DYSF: variants seen among roughly 807,000 people sequenced by gnomAD.
DYSF encodes the protein dystrophy-associated fer-1-like 1.
In DYSF, 212 loss-of-function variants were observed where a neutral mutation model predicts 274.9. The ratio of observed to expected loss-of-function variants is 0.77; its 90% CI spans 0.69 to 0.86. DYSF has a LOEUF of 0.86. Ranked by LOEUF, DYSF falls within the 40% of genes least tolerant of loss-of-function variation. DYSF has a pLI of 0.00. For missense variants in DYSF, 2,666 were observed against 2,783.2 expected, an observed-to-expected ratio of 0.96 and a Z score of 0.95; for synonymous variants, 1,091 against 1,078.7, an observed-to-expected ratio of 1.01 and a Z score of -0.22.
intron 24 of DYSF, 112 bp downstream of exon 24, chr2:71,564,325 G>C: frequency 6.9e-7 from 1 of 1,451,828 alleles, no homozygotes; most frequent in East Asian, 2.3e-5. Flanking sequence ...CTTAGGCTGT[G>C]GTCTTGGAAG....
chr2:71,603,977 C>T (rs1369143411), intron 36 of DYSF, among the ~76,000 whole-genome samples: 3 of 152,220 alleles, frequency 2.0e-5, no homozygotes, highest in Non-Finnish European at 2.9e-5. Context: ...GCTCATGGGC[C>T]AGAGCCCGAA....
chr2:71,631,183 C>G (rs1046406778), intron 41 of DYSF, among the ~76,000 whole-genome samples: 1 of 152,166 alleles, frequency 6.6e-6, no homozygotes, highest in African/African-American at 2.4e-5. Flanking sequence ...GAAGCATTTT[C>G]AGAAGGCATC....
intron 1 of DYSF, among the ~76,000 whole-genome samples, chr2:71,478,104 A>T (rs2082543144): frequency 6.8e-6 from 1 of 146,304 alleles, no homozygotes; most frequent in Non-Finnish European, 1.5e-5. Flanking sequence ...GCTTATTGTG[A>T]TTTTAAAATT....
chr2:71,683,103 A>C (rs2095315580), intron 55 of DYSF, among the ~76,000 whole-genome samples: 1 of 152,168 alleles, frequency 6.6e-6, no homozygotes, highest in Non-Finnish European at 1.5e-5. Flanking sequence ...AGCAGTTGCA[A>C]ATCCAGAGGA....
chr2:71,533,563 G>A (rs1440346218), intron 14 of DYSF, among the ~76,000 whole-genome samples: 2 of 152,234 alleles, frequency 1.3e-5, no homozygotes, highest in Non-Finnish European at 2.9e-5. Flanking sequence ...AAGCCATGCT[G>A]CAGTGAATAG....
At chr2:71,568,683 T>C (rs891298703) in intron 26 of DYSF, among the ~76,000 whole-genome samples, 1 of 151,896 alleles carries the variant, frequency 6.6e-6, no homozygotes, top group African/African-American at 2.4e-5. Context: ...GCTCCTGCCT[T>C]CTGAGTAGCT....
chr2:71,598,413 T>C (rs994750634), intron 32 of DYSF, 151 bp from the exon 33 acceptor site: 11 of 962,346 alleles, frequency 1.1e-5, no homozygotes, highest in Admixed American at 2.0e-5. Flanking sequence ...GAGAGCCCCA[T>C]AGGGAAGATG....
chr2:71,601,266 CCT>C, intron 34 of DYSF: 1 of 634,146 alleles, frequency 1.6e-6, no homozygotes. Flanking sequence ...CTTCAAACTT[CCT>C]CTTAGTATGA....
At chr2:71,585,967 G>A (rs770907021) in intron 30 of DYSF, among the ~76,000 whole-genome samples, 14 of 152,162 alleles carry the variant, frequency 9.2e-5, no homozygotes, top group Non-Finnish European at 1.6e-4. Context: ...AGGGCCTGGG[G>A]GCAAGAAAGG....
At chr2:71,487,456 G>A (rs2083452830) in intron 3 of DYSF, among the ~76,000 whole-genome samples, 1 of 152,184 alleles carries the variant, frequency 6.6e-6, no homozygotes, top group African/African-American at 2.4e-5. Context: ...GATGGCAGGG[G>A]GGCAGTGTGC....
intron 9 of DYSF, among the ~76,000 whole-genome samples, chr2:71,516,466 G>A (rs1009135652): frequency 3.9e-5 from 6 of 152,202 alleles, no homozygotes; most frequent in Admixed American, 6.5e-5. Flanking sequence ...CAGGCTCTAC[G>A]GGTCACAGAA....
At chr2:71,515,910 A>C (rs2086605457) in intron 8 of DYSF, among the ~76,000 whole-genome samples, 159 bp downstream of exon 8, 1 of 152,090 alleles carries the variant, frequency 6.6e-6, no homozygotes, top group Non-Finnish European at 1.5e-5. Flanking sequence ...GTGGGACTGG[A>C]GAAAGGGCTC....
chr2:71,495,726 C>T (rs1476983260), intron 3 of DYSF, among the ~76,000 whole-genome samples: 2 of 152,130 alleles, frequency 1.3e-5, no homozygotes, highest in African/African-American at 4.8e-5. Flanking sequence ...CTGCCCCAGC[C>T]CTGGTTCCTG....
In DYSF at chr2:71,496,608, G is replaced by A. The variant is rs78165524; in HGVS notation, c.240-6606G>A. The stretch of plus-strand genomic sequence containing the variant: ...TGGAACCTGGCCCTATGGTGCTTAG[G>A]ACAGGGGAATGTGGGCCCTGAGTGT... On this transcript the variant is annotated intron_variant, in intron 3 of 55. Coordinates refer to ENST00000410020, the MANE Select transcript of DYSF (RefSeq NM_001130987.2). Among the ~76,000 whole-genome samples, 86 of 152,200 alleles carry A rather than the reference G, an allele frequency of 5.7e-4. 1 individual carries two copies. In the East Asian group the frequency reaches 0.015, roughly 26 times the overall value.
At chr2:71,493,287 C>G (rs369331799) in intron 3 of DYSF, among the ~76,000 whole-genome samples, 1 of 152,184 alleles carries the variant, frequency 6.6e-6, no homozygotes, top group Admixed American at 6.5e-5. Flanking sequence ...TCCCTCTCCC[C>G]CAGTGCGGGA....
intron 3 of DYSF, 94 bp downstream of exon 3, chr2:71,482,064 G>C: frequency 9.8e-7 from 1 of 1,022,270 alleles, no homozygotes; most frequent in Non-Finnish European, 1.5e-6. Flanking sequence ...CAGGGAGCTG[G>C]GGTTTCAATT....
intron 1 of DYSF, 65 bp downstream of exon 1, chr2:71,466,998 G>A (rs959104457): frequency 1.4e-4 from 214 of 1,528,610 alleles, no homozygotes; most frequent in Non-Finnish European, 1.8e-4. Context: ...CTCACTGGCG[G>A]GTCTGAAGCC....
rs147886481 is a variant in DYSF, at chr2:71,574,198, C to G, written c.3229C>G (p.His1077Asp). The G allele has an allele frequency of 3.1e-6, 5 of 1,613,394 alleles. No individual in the cohort carries two copies. The African/African-American group carries it at 5.3e-5, about 17-fold the overall frequency. Residue 1077 changes from histidine to aspartate, a missense_variant and splice_region_variant, in exon 30 of 56, where the codon CAC becomes GAC. His to Asp is a moderately conservative substitution (Grantham distance 81). Transcript: ENST00000410020. ...DLSQMEALKR[H>D]RQAEAEGEGW... The stretch of plus-strand genomic sequence containing the variant: ...TGAGTCTGCCCCTTCTCTTGTGCAG[C>G]ACAGGCAGGCGGAGGCGGAGGGCGA...
At position 71,553,294 on chromosome 2, in the gene DYSF, C is replaced by CCCTGGT. The variant is rs1248000503; in HGVS notation, c.1984+112_1984+117dup. 41 of 1,538,972 alleles carry CCCTGGT rather than the reference C, an allele frequency of 2.7e-5. No homozygotes were observed. In the Middle Eastern group the frequency reaches 4.3e-3, roughly 161 times the overall value. On this transcript the variant is annotated intron_variant, in intron 20 of 55. Transcript: ENST00000410020. ...AAAGCTGCCAGAGTCTACTCAAAGG[C>CCCTGGT]CCTGGTCCTGGCCCTGGCAAACCTG...
Sources: gnomAD v4.1 joint callset for allele counts (sites outside exome capture counted in the v4.1 genomes callset) on GRCh38, gnomAD v4.1.1 for gene constraint, MANE v1.5 for transcripts, NCBI Gene and HGNC (gene_info 2026-07-23, HGNC 2026-07-21) for gene names.